The following KDM6A variants were observed in gnomAD, a reference collection of about 807,000 sequenced individuals.
KDM6A encodes lysine demethylase 6A.
In KDM6A, 11 loss-of-function variants were observed where a neutral mutation model predicts 117.6. The observed-to-expected ratio is 0.09, with a 90% CI of 0.06 to 0.15. The LOEUF is 0.15. Among genes scored for constraint, KDM6A ranks in the 10% least tolerant of loss-of-function variants. KDM6A has a pLI of 1.00. For synonymous variants in KDM6A, 384 were observed against 396.1 expected (o/e 0.97, Z 0.36); for missense variants, 799 against 1,077.3 (o/e 0.74, Z 3.62).
chrX:44,990,677 TTC>T (rs2040534137), intron 4 of KDM6A, among the ~76,000 whole-genome samples: 1 of 112,159 alleles, frequency 8.9e-6, no homozygotes, highest in South Asian at 3.6e-4. Flanking sequence ...CATCTTACAC[TTC>T]TATTGCTATT....
At chrX:44,990,201 A>G (rs1292895308) in intron 4 of KDM6A, among the ~76,000 whole-genome samples, 1 of 111,954 alleles carries the variant, frequency 8.9e-6, no homozygotes, top group Non-Finnish European at 1.9e-5. Context: ...AAACACAGTT[A>G]TTTTTTAGGG....
intron 27 of KDM6A, among the ~76,000 whole-genome samples, chrX:45,096,943 A>G (rs1015529411): frequency 7.1e-5 from 8 of 112,086 alleles, no homozygotes; most frequent in African/African-American, 2.6e-4. Flanking sequence ...TCACAATAGC[A>G]AAGACATGGA....
intron 2 of KDM6A, among the ~76,000 whole-genome samples, chrX:44,921,106 C>G (rs1378710068): frequency 9.0e-6 from 1 of 110,854 alleles, no homozygotes; most frequent in African/African-American, 3.3e-5. Context: ...AACTCCTAAC[C>G]TTGTGATCTG....
At chrX:45,085,768 G>T in intron 24 of KDM6A, 97 bp from the exon 25 acceptor site, 1 of 518,730 alleles carries the variant, frequency 1.9e-6, no homozygotes, top group South Asian at 2.5e-5. Context: ...TTTTTCTATA[G>T]AATTATAGTG....
intron 2 of KDM6A, among the ~76,000 whole-genome samples, chrX:44,907,125 T>A (rs185449694): frequency 8.9e-6 from 1 of 112,256 alleles, no homozygotes; most frequent in East Asian, 2.8e-4. Flanking sequence ...ACTACATAAA[T>A]AAGTGCTGTT....
At chrX:45,037,492 ATATTC>A (rs1410522944) in intron 7 of KDM6A, among the ~76,000 whole-genome samples, 158 bp from the exon 8 acceptor site, 1 of 112,304 alleles carries the variant, frequency 8.9e-6, no homozygotes, top group Admixed American at 9.4e-5. Flanking sequence ...GTTTGTTTGT[ATATTC>A]TATTTTAGTA....
intron 27 of KDM6A, among the ~76,000 whole-genome samples, chrX:45,092,387 T>C (rs2045926874): frequency 8.9e-6 from 1 of 111,873 alleles, no homozygotes. Context: ...AATATAGTAA[T>C]CTCATCTGTA....
chrX:44,952,447 A>G (rs1288169272), intron 2 of KDM6A, among the ~76,000 whole-genome samples: 1 of 109,319 alleles, frequency 9.1e-6, no homozygotes, highest in African/African-American at 3.3e-5. Context: ...AATTTTTTGT[A>G]TTTTTAGTAG....
At chrX:45,003,782 T>C (rs150711461) in intron 4 of KDM6A, among the ~76,000 whole-genome samples, 4,018 of 108,443 alleles carry the variant, frequency 0.037, 207 homozygotes, top group African/African-American at 0.13. Context: ...TCTCTGTCTC[T>C]CTTTGACTCC....
intron 6 of KDM6A, 82 bp downstream of exon 6, chrX:45,020,812 G>A (rs1176751456): frequency 4.7e-6 from 5 of 1,058,657 alleles, no homozygotes; most frequent in Non-Finnish European, 6.5e-6. Flanking sequence ...TTAGAGCATT[G>A]AGAAATGTTG....
At chrX:44,989,671 G>C (rs2040466463) in intron 4 of KDM6A, among the ~76,000 whole-genome samples, 1 of 112,147 alleles carries the variant, frequency 8.9e-6, no homozygotes. Context: ...TGAGGGGTTT[G>C]GGAAAGTCTC....
chrX:44,893,509 GT>G (rs752050347), intron 2 of KDM6A, among the ~76,000 whole-genome samples: 3,965 of 91,754 alleles, frequency 0.043, 201 homozygotes, highest in African/African-American at 0.14. Flanking sequence ...GTTGTGGGAG[GT>G]TTTTTTTTTT....
intron 27 of KDM6A, among the ~76,000 whole-genome samples, chrX:45,102,506 T>G: frequency 2.7e-5 from 3 of 111,765 alleles, no homozygotes. Context: ...AACTCTTTAG[T>G]CCACACCCAT....
rs999507368 is a variant in KDM6A at position 45,101,876 on chromosome X, C to G, written c.4035-5534C>G. The stretch of plus-strand genomic sequence containing the variant: ...TGAGCATTAACTGCCAGGCACAAGT[C>G]TAAGCATTTTATATAACATATGTAA... On this transcript the variant is annotated intron_variant, in intron 27 of 29. Transcript: ENST00000611820. Among the ~76,000 whole-genome samples, 6 of 111,330 alleles carry G rather than the reference C, an allele frequency of 5.4e-5. No individual in the cohort carries two copies. In the East Asian group the frequency reaches 8.4e-4, roughly 16 times the overall value.
chrX:45,101,998 A>G (rs1271015679), intron 27 of KDM6A, among the ~76,000 whole-genome samples: 1 of 111,539 alleles, frequency 9.0e-6, no homozygotes, highest in Non-Finnish European at 1.9e-5. Context: ...CAGACAGTCT[A>G]GGTATAGAAT....
chrX:45,062,776 T>C, intron 16 of KDM6A, 28 bp downstream of exon 16: 1 of 975,727 alleles, frequency 1.0e-6, no homozygotes, highest in Non-Finnish European at 1.5e-6. Flanking sequence ...TTCCCTGAAA[T>C]TTGTTAGCAT....
At chrX:45,029,609 CAA>C (rs548329887) in intron 6 of KDM6A, among the ~76,000 whole-genome samples, 1 of 80,835 alleles carries the variant, frequency 1.2e-5, no homozygotes. Context: ...GAGATTGTCT[CAA>C]AAAAAAAAAA....
chrX:45,058,724 A>G (rs1197706800), intron 10 of KDM6A, among the ~76,000 whole-genome samples: 1 of 110,965 alleles, frequency 9.0e-6, no homozygotes, highest in Non-Finnish European at 1.9e-5. Context: ...TCTCAGTATT[A>G]TAATATTGAA....
At position 44,877,875 on chromosome X, in the gene KDM6A, CAGTT is replaced by C. The variant is rs760430679; in HGVS notation, c.225+3889_225+3892del. Among the ~76,000 whole-genome samples the C allele has an allele frequency of 4.5e-5, 5 of 111,092 alleles. No individual in the cohort carries two copies. In the East Asian group the frequency reaches 1.1e-3, roughly 25 times the overall value. ...TCCGTAGGACATATTAGCATTAAAA[CAGTT>C]GGTGTTTTAAATTTTTTTGATAATA... On this transcript the variant is annotated intron_variant, in intron 2 of 29. Coordinates refer to ENST00000611820, the MANE Select transcript of KDM6A (RefSeq NM_001291415.2).
Sources: allele counts gnomAD v4.1 joint callset (sites outside exome capture counted in the v4.1 genomes callset), GRCh38; gene constraint gnomAD v4.1.1; transcripts MANE v1.5; gene names NCBI Gene and HGNC (gene_info 2026-07-23, HGNC 2026-07-21).